The following CCDC68 variants were observed in gnomAD, a reference collection of about 807,000 sequenced individuals.
CCDC68 encodes the protein coiled-coil domain-containing protein 68.
CCDC68 carries 45 observed loss-of-function variants against 47.1 expected under a neutral mutation model. The observed-to-expected ratio is 0.96, with a 90% CI of 0.75 to 1.23. The LOEUF (loss-of-function observed/expected upper bound fraction) is 1.23, where lower values mean the gene tolerates loss of function less well. Among genes scored for constraint, CCDC68 ranks in the 50% most tolerant of loss-of-function variants. The pLI, the probability that CCDC68 is intolerant of heterozygous loss-of-function variation, is 0.00. For missense variants in CCDC68, 353 were observed against 373.6 expected (o/e 0.94, Z 0.45); for synonymous variants, 131 against 129.5 (o/e 1.01, Z -0.08).
chr18:54,951,150 C>T (rs1371067885), intron 1 of CCDC68, among the ~76,000 whole-genome samples: 1 of 151,328 alleles, frequency 6.6e-6, no homozygotes, highest in Non-Finnish European at 1.5e-5. Context: ...CCTCGTGATC[C>T]GCCCGCCTCG....
At chr18:54,939,607 G>A (rs1307448075) in intron 4 of CCDC68, among the ~76,000 whole-genome samples, 1 of 152,098 alleles carries the variant, frequency 6.6e-6, no homozygotes, top group African/African-American at 2.4e-5. Flanking sequence ...GTGGTTTGAG[G>A]TGGCTGAGGC....
rs372527501 is a variant in CCDC68 at position 54,913,788 on chromosome 18, C to G, written c.873+4125G>C. Among the ~76,000 whole-genome samples the G allele has an allele frequency of 1.4e-3, 208 of 151,390 alleles. No homozygotes were observed. In the South Asian group the frequency reaches 0.015, roughly 11 times the overall value. On this transcript the variant is annotated intron_variant, in intron 10 of 11. Transcript: ENST00000591504. ...TGATCATGCCACGGCACTTCAGCCT[C>G]GGCAACAGAGTAAGACCCTGTCCCT...
At chr18:54,912,718 A>G (rs974531992) in intron 10 of CCDC68, among the ~76,000 whole-genome samples, 5 of 152,218 alleles carry the variant, frequency 3.3e-5, no homozygotes, top group Admixed American at 3.3e-4. Flanking sequence ...AAGACTGGGT[A>G]ATTTATAAAG....
At chr18:54,951,867 A>G (rs1490760890) in intron 1 of CCDC68, among the ~76,000 whole-genome samples, 1 of 152,210 alleles carries the variant, frequency 6.6e-6, no homozygotes, top group Non-Finnish European at 1.5e-5. Context: ...CTTCATCACC[A>G]GCTGGGAGGT....
intron 6 of CCDC68, 33 bp from the exon 7 acceptor site, chr18:54,934,981 C>T (rs769718700): frequency 1.3e-6 from 2 of 1,500,634 alleles, no homozygotes; most frequent in Non-Finnish European, 1.8e-6. Flanking sequence ...GTTGTGAAAA[C>T]TCTGTTTTTC....
At chr18:54,955,683 G>C (rs1230198060) in intron 1 of CCDC68, among the ~76,000 whole-genome samples, 1 of 152,134 alleles carries the variant, frequency 6.6e-6, no homozygotes, top group East Asian at 1.9e-4. Flanking sequence ...AAAAGTCAAT[G>C]TTCTTGCAAA....
intron 1 of CCDC68, among the ~76,000 whole-genome samples, chr18:54,958,214 G>A (rs1360295969): frequency 6.6e-6 from 1 of 152,194 alleles, no homozygotes; most frequent in Non-Finnish European, 1.5e-5. Context: ...GGAACCACAC[G>A]GGGATACTCC....
chr18:54,916,116 T>A (rs191993779), intron 10 of CCDC68, among the ~76,000 whole-genome samples: 35 of 152,272 alleles, frequency 2.3e-4, no homozygotes, highest in African/African-American at 7.0e-4. Flanking sequence ...TCCCCTGAAA[T>A]AAATTAGCCA....
At chr18:54,953,295 A>AC (rs2044649698) in intron 1 of CCDC68, among the ~76,000 whole-genome samples, 1 of 104,630 alleles carries the variant, frequency 9.6e-6, no homozygotes, top group Non-Finnish European at 2.2e-5. Context: ...CCAAAAACTT[A>AC]CAATAGTCTA....
chr18:54,946,762 A>G (rs1332092552), intron 1 of CCDC68, among the ~76,000 whole-genome samples: 2 of 152,212 alleles, frequency 1.3e-5, no homozygotes, highest in African/African-American at 4.8e-5. Context: ...TAAACAAGTT[A>G]CATAAAATCT....
intron 5 of CCDC68, 135 bp from the exon 6 acceptor site, chr18:54,937,093 G>A: frequency 1.3e-6 from 1 of 755,492 alleles, no homozygotes; most frequent in South Asian, 1.8e-5. Context: ...GGATACGAGA[G>A]AAGACACTGT....
intron 7 of CCDC68, among the ~76,000 whole-genome samples, chr18:54,930,622 T>C (rs28706968): frequency 9.1e-4 from 38 of 41,608 alleles, no homozygotes; most frequent in South Asian, 2.7e-3. Flanking sequence ...TTCCCTTCCC[T>C]TCCCCTCCCT....
intron 1 of CCDC68, among the ~76,000 whole-genome samples, chr18:54,952,168 T>G (rs1944367): frequency 0.59 from 89,625 of 152,064 alleles, 26,603 homozygotes; most frequent in East Asian, 0.68. Context: ...TCCTCCTGAT[T>G]TGAACTTCTC....
Position 54,919,146 on chromosome 18 carries a change from CAA to C in CCDC68, c.789+123_789+124del, listed in dbSNP as rs936853278. ...AAACAGAGACATATTGCATGAGAAA[CAA>C]AAAAGGATATGTCAGTAGGGAGAGA... On this transcript the variant is annotated intron_variant, in intron 9 of 11. Coordinates refer to ENST00000591504, the MANE Select transcript of CCDC68 (RefSeq NM_025214.3). 4.2e-6 allele frequency: 3 copies of C among 714,624 alleles called. No homozygotes were observed. In the African/African-American group the frequency reaches 5.2e-5, roughly 12 times the overall value. 44.3% of individuals were successfully genotyped at this position (714,624 alleles called of 1,614,324 possible).
intron 8 of CCDC68, among the ~76,000 whole-genome samples, chr18:54,922,449 T>C (rs1017886235): frequency 2.0e-5 from 3 of 152,090 alleles, no homozygotes; most frequent in Non-Finnish European, 4.4e-5. Flanking sequence ...CTGCAGATGT[T>C]GCTCAGAACC....
chr18:54,947,748 T>C (rs1461584069), intron 1 of CCDC68, among the ~76,000 whole-genome samples: 4 of 152,160 alleles, frequency 2.6e-5, no homozygotes, highest in Non-Finnish European at 5.9e-5. Flanking sequence ...ATCTGGGTGG[T>C]TTCCTTTCTT....
intron 1 of CCDC68, among the ~76,000 whole-genome samples, chr18:54,958,646 A>G (rs182613336): frequency 6.6e-6 from 1 of 152,316 alleles, no homozygotes; most frequent in East Asian, 1.9e-4. Flanking sequence ...ACTTCCAAAA[A>G]GGCTGAAAAT....
intron 8 of CCDC68, among the ~76,000 whole-genome samples, chr18:54,923,768 AT>A (rs1216761869): frequency 6.6e-6 from 1 of 151,816 alleles, no homozygotes; most frequent in African/African-American, 2.4e-5. Flanking sequence ...CTGAAGTGCA[AT>A]GATGCAATCT....
intron 1 of CCDC68, among the ~76,000 whole-genome samples, chr18:54,947,654 A>G (rs1475368570): frequency 6.6e-6 from 1 of 152,208 alleles, no homozygotes; most frequent in Non-Finnish European, 1.5e-5. Flanking sequence ...CAGCACATTT[A>G]ATATATAATA....
Sources: allele counts gnomAD v4.1 joint callset (sites outside exome capture counted in the v4.1 genomes callset), GRCh38; gene constraint gnomAD v4.1.1; transcripts MANE v1.5; gene names NCBI Gene and HGNC (gene_info 2026-07-23, HGNC 2026-07-21).